Variants in NSRP1 observed in about 807,000 individuals in gnomAD.
The protein encoded by NSRP1 is nuclear speckle splicing regulatory protein 1, also known as coiled-coil domain containing 55.
Under a neutral mutation model 54.7 loss-of-function variants are expected in NSRP1, and 24 were observed. The observed-to-expected ratio is 0.44, with a 90% confidence interval of 0.32 to 0.62. The LOEUF is 0.62. NSRP1 is among the 20% of genes least tolerant of loss of function. The pLI, the probability that NSRP1 is intolerant of heterozygous loss-of-function variation, is 0.06. For synonymous variants in NSRP1, 210 were observed against 213.8 expected, an observed-to-expected ratio of 0.98 and a Z score of 0.15; for missense variants, 596 against 651.2, an observed-to-expected ratio of 0.92 and a Z score of 0.92.
At chr17:30,183,689 T>A (rs1022328237) in intron 6 of NSRP1, among the ~76,000 whole-genome samples, 11 of 152,314 alleles carry the variant, frequency 7.2e-5, no homozygotes, top group African/African-American at 2.2e-4. Flanking sequence ...TACTATAAAG[T>A]TAACTGTACT....
chr17:30,164,456 A>G (rs1021336166), intron 2 of NSRP1, among the ~76,000 whole-genome samples: 3 of 152,142 alleles, frequency 2.0e-5, no homozygotes, highest in Non-Finnish European at 4.4e-5. Context: ...AGTGCCTTAT[A>G]GGAAGTAAAT....
At chr17:30,155,141 A>G (rs763431339) in intron 2 of NSRP1, among the ~76,000 whole-genome samples, 3 of 152,068 alleles carry the variant, frequency 2.0e-5, no homozygotes, top group Non-Finnish European at 2.9e-5. Flanking sequence ...AAGTAAATGT[A>G]TATATTTATG....
intron 2 of NSRP1, among the ~76,000 whole-genome samples, chr17:30,158,511 G>A (rs1463608012): frequency 6.6e-6 from 1 of 151,918 alleles, no homozygotes; most frequent in Non-Finnish European, 1.5e-5. Flanking sequence ...CTGTGCTTTT[G>A]GGATCTTGGC....
At chr17:30,170,060 A>G (rs1273069927) in intron 2 of NSRP1, among the ~76,000 whole-genome samples, 1 of 152,120 alleles carries the variant, frequency 6.6e-6, no homozygotes, top group Non-Finnish European at 1.5e-5. Context: ...TAACCCATGT[A>G]GCCCTTGCCC....
chr17:30,185,499 G>A lies in NSRP1; in HGVS notation c.1502G>A (p.Arg501Lys), dbSNP rs200921290. Residue 501 changes from arginine (R) to lysine (K), a missense_variant, in exon 7 of 7, where the codon AGA becomes AAA. Arg to Lys is a conservative substitution (Grantham distance 26, BLOSUM62 2). Transcript: ENST00000247026. Reference sequence around the variant, plus strand: ...GAATCATCACTGGGAGCAAAACACAGACTCACAGAGGAAGGGCAAGAGAAG... The same window carrying A: ...GAATCATCACTGGGAGCAAAACACAAACTCACAGAGGAAGGGCAAGAGAAG... The part of the protein sequence containing the change: ...NSESSLGAKH[R>K]LTEEGQEKGK... 1.2e-6 allele frequency: 2 copies of A among 1,613,910 alleles called. No homozygotes were observed. The highest frequency in any genetic ancestry group is 2.2e-5 in the East Asian group (1 of 44,876).
rs577871791 is a variant in NSRP1, at chr17:30,163,591, A to G, written c.115-8951A>G. 5.3e-5 allele frequency among the ~76,000 whole-genome samples: 8 copies of G among 152,064 alleles called. No individual in the cohort carries two copies. The South Asian group carries it at 1.7e-3, about 32-fold the overall frequency. ...TGATTAAATAATTTTTATTCTCTACACAGAACAATGAAGGGAGAAAAAAAC... is the reference window on the plus strand; with the variant it reads ...TGATTAAATAATTTTTATTCTCTACGCAGAACAATGAAGGGAGAAAAAAAC... On this transcript the variant is annotated intron_variant, in intron 2 of 6. Transcript: ENST00000247026.
chr17:30,180,786 G>A, intron 5 of NSRP1, 122 bp from the exon 6 acceptor site: 1 of 617,274 alleles, frequency 1.6e-6, no homozygotes, highest in Non-Finnish European at 2.8e-6. Flanking sequence ...TTGGCCTGCA[G>A]TTTGCCAACT....
intron 4 of NSRP1, 130 bp downstream of exon 4, chr17:30,178,329 G>A: frequency 5.5e-6 from 5 of 910,556 alleles, no homozygotes; most frequent in South Asian, 4.2e-5. Context: ...CCTAATTCCA[G>A]ATATTACAAA....
chr17:30,183,937 C>A (rs1351057712), intron 6 of NSRP1, among the ~76,000 whole-genome samples: 2 of 152,182 alleles, frequency 1.3e-5, no homozygotes, highest in Non-Finnish European at 1.5e-5. Flanking sequence ...CATGGTGGCT[C>A]ACACCTGTAA....
intron 5 of NSRP1, 57 bp downstream of exon 5, chr17:30,179,354 G>T: frequency 1.3e-6 from 2 of 1,482,188 alleles, no homozygotes; most frequent in Admixed American, 2.4e-5. Flanking sequence ...TCTCCCCTGT[G>T]GTTAGCTGTT....
chr17:30,117,076 G>A lies in NSRP1; in HGVS notation c.20+213G>A, dbSNP rs2071541249. 3.9e-6 allele frequency: 3 copies of A among 773,256 alleles called. No homozygotes were observed. The East Asian group carries it at 7.5e-5, about 19-fold the overall frequency. The allele number at this position is 773,256 out of a possible 1,614,324, so 47.9% of individuals were successfully genotyped here. On this transcript the variant is annotated intron_variant, in intron 1 of 6. Transcript: ENST00000247026. The stretch of plus-strand genomic sequence containing the variant: ...GAAGTTTGAGGGAGAAACTTGTGAG[G>A]AAATAAAGGAAGTTAGGCTGAGGGG...
intron 5 of NSRP1, among the ~76,000 whole-genome samples, 193 bp downstream of exon 5, chr17:30,179,490 A>G (rs2049506479): frequency 6.6e-6 from 1 of 152,258 alleles, no homozygotes; most frequent in Non-Finnish European, 1.5e-5. Context: ...CTAAAAACAC[A>G]GTTGAACTCT....
chr17:30,185,528 A>G lies in NSRP1; in HGVS notation c.1531A>G (p.Lys511Glu). The G allele has an allele frequency of 6.2e-7, 1 of 1,614,154 alleles. No homozygotes were observed. Among genetic ancestry groups the G allele is most frequent in the Non-Finnish European group, 8.5e-7 (1 of 1,180,026 alleles). The change falls in exon 7 of 7, where the codon AAA (lysine) becomes GAA (glutamate). Residue 511 changes from lysine (K) to glutamate (E), a missense_variant. By Grantham distance (56) the Lys-to-Glu change is moderately conservative. Transcript: ENST00000247026. ...RLTEEGQEKGKEQERPPEAVS... is the reference protein window; with the variant it reads ...RLTEEGQEKGEEQERPPEAVS... Reference sequence around the variant, plus strand: ...CACAGAGGAAGGGCAAGAGAAGGGTAAAGAACAAGAGAGACCACCTGAGGC... The same window carrying G: ...CACAGAGGAAGGGCAAGAGAAGGGTGAAGAACAAGAGAGACCACCTGAGGC...
intron 2 of NSRP1, among the ~76,000 whole-genome samples, chr17:30,146,606 A>C (rs2071858152): frequency 6.6e-6 from 1 of 151,948 alleles, no homozygotes; most frequent in African/African-American, 2.4e-5. Context: ...TACTTCCTAC[A>C]TTTTGTAGCT....
At chr17:30,119,831 T>C (rs143862665) in intron 2 of NSRP1, among the ~76,000 whole-genome samples, 41 of 152,320 alleles carry the variant, frequency 2.7e-4, no homozygotes, top group African/African-American at 9.1e-4. Context: ...TATAATAGCA[T>C]GGGTGGATAA....
intron 2 of NSRP1, among the ~76,000 whole-genome samples, chr17:30,119,657 C>T (rs1020540195): frequency 1.3e-5 from 2 of 152,276 alleles, no homozygotes; most frequent in South Asian, 4.1e-4. Flanking sequence ...AACACACCAC[C>T]ACGCCTGGCT....
intron 6 of NSRP1, among the ~76,000 whole-genome samples, chr17:30,183,231 A>AT (rs1555584078): frequency 4.6e-5 from 7 of 150,858 alleles, no homozygotes; most frequent in African/African-American, 1.5e-4. Flanking sequence ...AAAAAAAAAA[A>AT]TTTTTTTTAA....
At chr17:30,173,309 A>G (rs1905022356) in intron 3 of NSRP1, among the ~76,000 whole-genome samples, 1 of 152,180 alleles carries the variant, frequency 6.6e-6, no homozygotes, top group Admixed American at 6.5e-5. Flanking sequence ...CTTTTTACAT[A>G]CATTTATCTT....
At chr17:30,130,490 C>A (rs1050311407) in intron 2 of NSRP1, among the ~76,000 whole-genome samples, 1 of 152,126 alleles carries the variant, frequency 6.6e-6, no homozygotes, top group African/African-American at 2.4e-5. Flanking sequence ...GGCATTATTT[C>A]TTAAGTTTTT....
Sources: gnomAD v4.1 joint callset for allele counts (sites outside exome capture counted in the v4.1 genomes callset) on GRCh38, gnomAD v4.1.1 for gene constraint, MANE v1.5 for transcripts, NCBI Gene and HGNC (gene_info 2026-07-23, HGNC 2026-07-21) for gene names.